The following RTL4 variants were observed in gnomAD, a reference collection of about 807,000 sequenced individuals.
RTL4 encodes the protein retrotransposon Gag-like protein 4.
Under a neutral mutation model 5.3 loss-of-function variants are expected in RTL4, and 4 were observed. The ratio of observed to expected loss-of-function variants is 0.75; its 90% CI spans 0.37 to 1.72. The LOEUF (loss-of-function observed/expected upper bound fraction) is 1.72, where lower values mean the gene tolerates loss of function less well. Among genes scored for constraint, RTL4 ranks in the 40% most tolerant of loss-of-function variants. The pLI is 0.04. For missense variants in RTL4, 260 were observed against 227.1 expected (o/e 1.14, Z -0.93); for synonymous variants, 98 against 87.3 (o/e 1.12, Z -0.68).
At chrX:112,358,614 C>T in the RTL4 span, among the ~76,000 whole-genome samples, 1 of 111,592 alleles carries the variant, frequency 9.0e-6, no homozygotes, top group Non-Finnish European at 1.9e-5. Context: ...CATCTTTCTA[C>T]TCTTGACTTC....
chrX:112,303,723 A>G, the RTL4 span, among the ~76,000 whole-genome samples: 2 of 102,733 alleles, frequency 1.9e-5, no homozygotes, highest in African/African-American at 7.4e-5. Context: ...TAACCTGCAC[A>G]TTGTGCACAT....
At chrX:112,326,284 C>G in the RTL4 span, among the ~76,000 whole-genome samples, 2 of 111,510 alleles carry the variant, frequency 1.8e-5, no homozygotes, top group Admixed American at 1.9e-4. Flanking sequence ...GGGCGCAGGT[C>G]AGTGGATGTG....
chrX:112,125,836 T>C, the RTL4 span, among the ~76,000 whole-genome samples: 1 of 111,840 alleles, frequency 8.9e-6, no homozygotes, highest in African/African-American at 3.3e-5. Context: ...ATCAATACTC[T>C]ACAAGGCCAA....
the RTL4 span, among the ~76,000 whole-genome samples, chrX:112,241,981 G>A: frequency 9.0e-6 from 1 of 111,595 alleles, no homozygotes; most frequent in East Asian, 2.8e-4. Context: ...ATTTTTGTCA[G>A]GTTTGTCAAA....
At chrX:112,340,646 A>G in the RTL4 span, among the ~76,000 whole-genome samples, 1 of 109,894 alleles carries the variant, frequency 9.1e-6, no homozygotes, top group Non-Finnish European at 1.9e-5. Context: ...GGACAAAAAA[A>G]AAAGCTCCCA....
chrX:112,398,288 A>AT, the RTL4 span, among the ~76,000 whole-genome samples: 2 of 109,622 alleles, frequency 1.8e-5, no homozygotes, highest in Non-Finnish European at 3.8e-5. Context: ...ATTGTAATAC[A>AT]TTTTTTGCTT....
chrX:112,169,334 G>A, the RTL4 span, among the ~76,000 whole-genome samples: 1 of 108,966 alleles, frequency 9.2e-6, no homozygotes, highest in Non-Finnish European at 1.9e-5. Context: ...GGGTGGTCTC[G>A]AACTCCTGAC....
chrX:112,311,561 T>G, the RTL4 span, among the ~76,000 whole-genome samples: 1 of 110,933 alleles, frequency 9.0e-6, no homozygotes, highest in Non-Finnish European at 1.9e-5. Flanking sequence ...TCACTGAGAC[T>G]TTTTCCCTCC....
chrX:112,309,622 G>A, the RTL4 span, among the ~76,000 whole-genome samples: 22 of 107,814 alleles, frequency 2.0e-4, no homozygotes, highest in African/African-American at 7.4e-4. Context: ...CCAAGTAGCT[G>A]AAACCACAGG....
At chrX:112,272,999 T>G in the RTL4 span, among the ~76,000 whole-genome samples, 1 of 111,954 alleles carries the variant, frequency 8.9e-6, no homozygotes, top group African/African-American at 3.3e-5. Flanking sequence ...GATTTTCAAC[T>G]TGTATAGACA....
chrX:112,436,542 T>C, the RTL4 span, among the ~76,000 whole-genome samples: 1 of 112,235 alleles, frequency 8.9e-6, no homozygotes, highest in African/African-American at 3.2e-5. Context: ...ACAATGTTTC[T>C]GAAAGCAAAT....
At chrX:112,432,487 G>A in the RTL4 span, among the ~76,000 whole-genome samples, 2 of 101,517 alleles carry the variant, frequency 2.0e-5, no homozygotes, top group African/African-American at 3.7e-5. Flanking sequence ...GCCAGTGATG[G>A]TGAGCATTTT....
At chrX:112,429,949 T>A in the RTL4 span, among the ~76,000 whole-genome samples, 1 of 111,401 alleles carries the variant, frequency 9.0e-6, no homozygotes, top group Non-Finnish European at 1.9e-5. Flanking sequence ...AGACTTTTTT[T>A]ATCTCTTGCT....
the RTL4 span, among the ~76,000 whole-genome samples, chrX:112,383,816 G>A: frequency 9.0e-6 from 1 of 111,230 alleles, no homozygotes; most frequent in African/African-American, 3.3e-5. Context: ...CATAGAGATG[G>A]CAACAATAGA....
chrX:112,455,442 G>A, exon 1 of RTL4: 1 of 1,210,755 alleles, frequency 8.3e-7, no homozygotes, highest in Non-Finnish European at 1.1e-6. Context: ...TGGCTTCCTT[G>A]ATCCAACACC....
At chrX:112,159,396 C>A in the RTL4 span, among the ~76,000 whole-genome samples, 5 of 112,048 alleles carry the variant, frequency 4.5e-5, no homozygotes, top group African/African-American at 1.6e-4. Context: ...GTGGCTTACC[C>A]AGCATCGCTG....
At chrX:112,291,982 TCTC>T in the RTL4 span, among the ~76,000 whole-genome samples, 2 of 111,032 alleles carry the variant, frequency 1.8e-5, no homozygotes, top group African/African-American at 6.6e-5. Flanking sequence ...TCCTGCTACT[TCTC>T]CTACACTCAC....
chrX:112,211,990 G>A, the RTL4 span, among the ~76,000 whole-genome samples: 1 of 112,356 alleles, frequency 8.9e-6, no homozygotes, highest in Non-Finnish European at 1.9e-5. Context: ...CCTACTCACT[G>A]TGCAAACTTA....
the RTL4 span, among the ~76,000 whole-genome samples, chrX:112,313,242 T>A: frequency 3.6e-5 from 4 of 111,293 alleles, no homozygotes; most frequent in African/African-American, 9.8e-5. Flanking sequence ...TGGTGGCTAT[T>A]TATGTTTTTT....
Sources: allele counts gnomAD v4.1 joint callset (sites outside exome capture counted in the v4.1 genomes callset), GRCh38; gene constraint gnomAD v4.1.1; transcripts MANE v1.5; gene names NCBI Gene and HGNC (gene_info 2026-07-23, HGNC 2026-07-21).